RNF141: variants seen among roughly 807,000 people sequenced by gnomAD.
RNF141 encodes the protein ring finger protein 141, also known as C3HC4-like zinc finger protein.
Under a neutral mutation model 27.4 loss-of-function variants are expected in RNF141, and 18 were observed. The observed-to-expected ratio is 0.66, with a 90% confidence interval of 0.45 to 0.97. RNF141 has a LOEUF of 0.97. Ranked by LOEUF, RNF141 falls within the 50% of genes least tolerant of loss-of-function variation. The pLI is 0.00. For missense variants in RNF141, 230 were observed against 279.4 expected (o/e 0.82, Z 1.26); for synonymous variants, 97 against 96.6 (o/e 1.00, Z -0.02).
At chr11:10,527,338 G>A (rs572474459) in intron 3 of RNF141, among the ~76,000 whole-genome samples, 5 of 152,190 alleles carry the variant, frequency 3.3e-5, no homozygotes, top group Non-Finnish European at 7.3e-5. Context: ...AACGCTGAGG[G>A]GTTACAGGGA....
chr11:10,519,103 C>G lies in RNF141; in HGVS notation c.473G>C (p.Cys158Ser). 6.2e-7 allele frequency: 1 copy of G among 1,614,034 alleles called. No homozygotes were observed. The highest frequency in any genetic ancestry group is 8.5e-7 in the Non-Finnish European group (1 of 1,179,962). The change falls in exon 5 of 6, where the codon TGT becomes TCT. Residue 158 changes from cysteine to serine, a missense_variant. Cys to Ser is a moderately radical substitution (Grantham distance 112, BLOSUM62 -1). Transcript: ENST00000265981. ...QLTDEEECCI[C>S]MDGRADLILP... ...GATGAGGTCAGCCCGCCCATCCATA[C>G]AGATACAACACTCCTCCTCATCGGT...
rs1238047739 is a variant in RNF141, at chr11:10,513,699, A to G, written c.*1217T>C. ...TCTATTTTCTTGTGTTTTTTTTTTG[A>G]TTAGGAGTCTCGTTCTGTCTCCCAG... is the stretch of plus-strand genomic sequence containing the variant. On this transcript the variant is annotated 3_prime_UTR_variant, in exon 6 of 6. Transcript: ENST00000265981. 4 of 149,008 alleles carry G rather than the reference A, an allele frequency of 2.7e-5. No individual in the cohort carries two copies. The highest frequency in any genetic ancestry group is 9.9e-5 in the African/African-American group (4 of 40,212). 9.2% of individuals were successfully genotyped at this position (149,008 alleles called of 1,614,324 possible). A position where few individuals can be genotyped will look rare whatever the true frequency, so the allele number is the denominator to read the frequency against.
At chr11:10,540,606 G>C (rs997947673) in intron 1 of RNF141, 1 of 152,346 alleles carries the variant, frequency 6.6e-6, no homozygotes, top group Non-Finnish European at 1.5e-5. Context: ...GTGTGGGGCT[G>C]GCTAAGTAGA....
chr11:10,525,304 T>C lies in RNF141; in HGVS notation c.322A>G (p.Lys108Glu), dbSNP rs61760882. 2.6e-3 allele frequency: 4,174 copies of C among 1,613,232 alleles called. 16 individuals carry two copies. The highest frequency in any genetic ancestry group is 2.6e-3 in the Non-Finnish European group (3,123 of 1,179,442). Residue 108 changes from lysine (K) to glutamate (E), a missense_variant, in exon 4 of 6, where the codon AAA becomes GAA. Transcript: ENST00000265981. ...CCTGCTGCTTGACTTGTGATATCTT[T>C]ATAAAGTTGAATAAACTGGTATAAA... is the stretch of plus-strand genomic sequence containing the variant. Reference protein sequence around the residue: ...MNLYQFIQLYKDITSQAAGVL... With the variant: ...MNLYQFIQLYEDITSQAAGVL...
At chr11:10,516,889 A>G (rs2133964858) in intron 5 of RNF141, 1 of 152,302 alleles carries the variant, frequency 6.6e-6, no homozygotes, top group Middle Eastern at 3.4e-3. Context: ...TCACTTAACT[A>G]TAGTCCAGAA....
intron 3 of RNF141, among the ~76,000 whole-genome samples, chr11:10,529,500 G>T (rs1241077134): frequency 6.6e-6 from 1 of 152,198 alleles, no homozygotes; most frequent in Admixed American, 6.5e-5. Flanking sequence ...AGCCTGATAA[G>T]AATGCAGAGC....
intron 4 of RNF141, among the ~76,000 whole-genome samples, chr11:10,523,297 G>A (rs1284318155): frequency 6.6e-6 from 1 of 152,198 alleles, no homozygotes; most frequent in Non-Finnish European, 1.5e-5. Flanking sequence ...TAATAGGTTA[G>A]AGCACAGCTG....
At chr11:10,526,593 C>G (rs1849937759) in intron 3 of RNF141, among the ~76,000 whole-genome samples, 1 of 151,954 alleles carries the variant, frequency 6.6e-6, no homozygotes, top group African/African-American at 2.4e-5. Context: ...ACCATCCTGG[C>G]TAACACGGTG....
At chr11:10,516,703 G>A (rs189026291) in intron 5 of RNF141, 31 of 152,382 alleles carry the variant, frequency 2.0e-4, no homozygotes, top group Non-Finnish European at 3.8e-4. Context: ...CTGGGCCTGG[G>A]ATACTGCCTG....
At chr11:10,516,559 A>C (rs2133964673) in intron 5 of RNF141, 1 of 152,532 alleles carries the variant, frequency 6.6e-6, no homozygotes. Context: ...GCACAGAGGG[A>C]AAATTCCAGA....
At chr11:10,522,002 G>A (rs1006840388) in intron 4 of RNF141, among the ~76,000 whole-genome samples, 3 of 152,240 alleles carry the variant, frequency 2.0e-5, no homozygotes, top group Non-Finnish European at 2.9e-5. Flanking sequence ...TGGGAGTGCA[G>A]TATGAGGGAC....
chr11:10,528,111 T>C lies in RNF141; in HGVS notation c.252+2532A>G, dbSNP rs1352885115. On this transcript the variant is annotated intron_variant, in intron 3 of 5. Coordinates refer to ENST00000265981, the MANE Select transcript of RNF141 (RefSeq NM_016422.4). ...TAAACATAATTTAGATCATTTTTTA[T>C]AGTGGATTAAATATTATTTAAGGAT... Among the ~76,000 whole-genome samples, 3 of 152,204 alleles carry C rather than the reference T, an allele frequency of 2.0e-5. No homozygotes were observed. The East Asian group carries it at 5.8e-4, about 29-fold the overall frequency.
Position 10,514,751 on chromosome 11 carries a change from T to C in RNF141, c.*165A>G, listed in dbSNP as rs1047730. 91,235 of 572,338 alleles carry C rather than the reference T, an allele frequency of 0.16. 9,365 individuals carry two copies. Among genetic ancestry groups the C allele is most frequent in the African/African-American group, 0.36 (18,673 of 51,472 alleles). The allele number at this position is 572,338 out of a possible 1,614,324, so 35.5% of individuals were successfully genotyped here. ...ATTTTAGTACCACAAATGGAAGACA[T>C]GGGAAGTTTATTTTTAAAAGGGGGA... On this transcript the variant is annotated 3_prime_UTR_variant, in exon 6 of 6. Transcript: ENST00000265981.
chr11:10,530,974 C>T (rs999772184), intron 2 of RNF141, among the ~76,000 whole-genome samples: 2 of 152,094 alleles, frequency 1.3e-5, no homozygotes, highest in African/African-American at 4.8e-5. Flanking sequence ...AAGTCAACAG[C>T]TTGGTGGCAT....
chr11:10,540,059 G>A (rs1850080776), intron 1 of RNF141, among the ~76,000 whole-genome samples: 1 of 152,100 alleles, frequency 6.6e-6, no homozygotes, highest in Non-Finnish European at 1.5e-5. Context: ...TTTGAGCTCT[G>A]AATTCAGAAA....
intron 1 of RNF141, among the ~76,000 whole-genome samples, chr11:10,535,032 GT>G (rs1399568916): frequency 6.6e-6 from 1 of 151,438 alleles, no homozygotes; most frequent in South Asian, 2.1e-4. Context: ...TAATTATCAA[GT>G]TTTTAAATGC....
chr11:10,525,459 A>C lies in RNF141; in HGVS notation c.253-86T>G. On this transcript the variant is annotated intron_variant, in intron 3 of 5. Transcript: ENST00000265981. ...AAAAGGGGGAACAAATATTTAGTCA[A>C]ACATCCTAGGAAATAGGAGTTTTCA... 2.9e-6 allele frequency: 3 copies of C among 1,020,702 alleles called. No homozygotes were observed. In the South Asian group the frequency reaches 5.4e-5, roughly 18 times the overall value. 63.2% of individuals were successfully genotyped at this position (1,020,702 alleles called of 1,614,324 possible).
chr11:10,521,438 C>G (rs925022984), intron 4 of RNF141, among the ~76,000 whole-genome samples: 1 of 152,124 alleles, frequency 6.6e-6, no homozygotes, highest in Non-Finnish European at 1.5e-5. Flanking sequence ...TTTTCTTCAT[C>G]AGACATGTAT....
At chr11:10,538,653 A>C (rs935518884) in intron 1 of RNF141, among the ~76,000 whole-genome samples, 1 of 152,284 alleles carries the variant, frequency 6.6e-6, no homozygotes, top group Non-Finnish European at 1.5e-5. Context: ...GAATAAATGC[A>C]GTAAATACCA....
Sources: allele counts gnomAD v4.1 joint callset (sites outside exome capture counted in the v4.1 genomes callset), GRCh38; gene constraint gnomAD v4.1.1; transcripts MANE v1.5; gene names NCBI Gene and HGNC (gene_info 2026-07-23, HGNC 2026-07-21).